SUGCT: variants seen among roughly 807,000 people sequenced by gnomAD.
SUGCT encodes the protein succinyl-CoA:glutarate-CoA transferase.
Under a neutral mutation model 55.0 loss-of-function variants are expected in SUGCT, and 41 were observed. The ratio of observed to expected loss-of-function variants is 0.74; its 90% CI spans 0.58 to 0.97. The LOEUF (loss-of-function observed/expected upper bound fraction) is 0.97, where lower values mean the gene tolerates loss of function less well. SUGCT is among the 50% of genes least tolerant of loss of function. SUGCT has a pLI of 0.00. For synonymous variants in SUGCT, 187 were observed against 200.4 expected (o/e 0.93, Z 0.56); for missense variants, 568 against 547.8 (o/e 1.04, Z -0.37).
the SUGCT span, among the ~76,000 whole-genome samples, chr7:40,919,150 T>C: frequency 1.3e-5 from 2 of 152,230 alleles, no homozygotes; most frequent in Non-Finnish European, 2.9e-5. Context: ...AACCACCTGC[T>C]AGCCACAGAT....
At chr7:40,503,426 A>G (rs553302126) in intron 12 of SUGCT, among the ~76,000 whole-genome samples, 4 of 152,318 alleles carry the variant, frequency 2.6e-5, no homozygotes, top group African/African-American at 7.2e-5. Context: ...AGAAGGAAGC[A>G]AGCATTATCA....
intron 9 of SUGCT, among the ~76,000 whole-genome samples, chr7:40,401,256 C>T (rs1203344000): frequency 6.6e-6 from 1 of 152,084 alleles, no homozygotes; most frequent in Non-Finnish European, 1.5e-5. Context: ...TTACACCAAA[C>T]CTGAGAAATA....
chr7:40,508,496 C>T (rs962889199), intron 12 of SUGCT, among the ~76,000 whole-genome samples: 8 of 152,150 alleles, frequency 5.3e-5, no homozygotes, highest in African/African-American at 1.9e-4. Flanking sequence ...CCCTCCTTAT[C>T]TTGGCTGCAC....
intron 9 of SUGCT, among the ~76,000 whole-genome samples, chr7:40,346,628 TGCAGAC>T (rs1797326965): frequency 6.6e-6 from 1 of 152,240 alleles, no homozygotes; most frequent in Non-Finnish European, 1.5e-5. Flanking sequence ...AATATATGTT[TGCAGAC>T]ATACACACAC....
At position 40,449,293 on chromosome 7, in the gene SUGCT, A is replaced by C. The variant is rs1295493345; in HGVS notation, c.823A>C (p.Lys275Gln). The C allele has an allele frequency of 1.9e-6, 3 of 1,610,018 alleles. No homozygotes were observed. The change falls in exon 10 of 14, where the codon AAA becomes CAA. Residue 275 changes from lysine to glutamine, a missense_variant. Transcript: ENST00000335693. The stretch of plus-strand genomic sequence containing the variant: ...GTGTATTTATTTCTTTTAGGCTTTT[A>C]AAACCAAGGATGGCTATATTGTAGT... ...HGSIVPYQAF[K>Q]TKDGYIVVGA...
intron 6 of SUGCT, among the ~76,000 whole-genome samples, chr7:40,216,624 G>C (rs1367046309): frequency 6.6e-6 from 1 of 151,796 alleles, no homozygotes; most frequent in African/African-American, 2.4e-5. Context: ...AGCCAAGGTG[G>C]GTGGATCACC....
intron 5 of SUGCT, among the ~76,000 whole-genome samples, chr7:40,191,468 A>T (rs1785904401): frequency 6.6e-6 from 1 of 152,206 alleles, no homozygotes. Context: ...CAATGCAGCC[A>T]ATTTAGAATT....
intron 12 of SUGCT, among the ~76,000 whole-genome samples, chr7:40,507,074 C>G (rs1792648066): frequency 6.6e-6 from 1 of 151,842 alleles, no homozygotes; most frequent in Non-Finnish European, 1.5e-5. Context: ...GTTTCTGTTG[C>G]CAGCTTTCTT....
intron 7 of SUGCT, among the ~76,000 whole-genome samples, chr7:40,266,787 C>T (rs906713669): frequency 2.6e-5 from 4 of 151,866 alleles, no homozygotes; most frequent in South Asian, 2.1e-4. Flanking sequence ...GAGGCCAAGG[C>T]GGGCACATCA....
rs1013120546 is a variant in SUGCT, at chr7:40,758,063, A to G, written c.1153+8566A>G. Among the ~76,000 whole-genome samples the G allele has an allele frequency of 2.6e-5, 4 of 152,322 alleles. No homozygotes were observed. The South Asian group carries it at 6.2e-4, about 24-fold the overall frequency. On this transcript the variant is annotated intron_variant, in intron 13 of 13. Transcript: ENST00000335693. ...ATCTACCAGTTTGGACTTCAGTATCATGGCGTTAACTTGGAGAATCAAGAA... is the reference window on the plus strand; with the variant it reads ...ATCTACCAGTTTGGACTTCAGTATCGTGGCGTTAACTTGGAGAATCAAGAA...
chr7:40,406,214 G>A (rs1157791809), intron 9 of SUGCT, among the ~76,000 whole-genome samples: 1 of 152,082 alleles, frequency 6.6e-6, no homozygotes, highest in Admixed American at 6.6e-5. Flanking sequence ...TCTGGATGAC[G>A]CCAGCTGGTT....
intron 12 of SUGCT, among the ~76,000 whole-genome samples, chr7:40,558,411 A>G (rs1795668600): frequency 6.6e-6 from 1 of 152,220 alleles, no homozygotes; most frequent in Admixed American, 6.5e-5. Flanking sequence ...ATAGTATACA[A>G]TGGAATATTA....
chr7:40,340,697 C>T (rs919121370), intron 9 of SUGCT, among the ~76,000 whole-genome samples: 7 of 152,050 alleles, frequency 4.6e-5, no homozygotes, highest in African/African-American at 1.7e-4. Context: ...AGGAGCCAGT[C>T]CGGCTATAAA....
At chr7:40,253,237 G>A (rs1790563960) in intron 7 of SUGCT, among the ~76,000 whole-genome samples, 1 of 152,146 alleles carries the variant, frequency 6.6e-6, no homozygotes, top group African/African-American at 2.4e-5. Flanking sequence ...CTAAATAAGA[G>A]TATGTGGTCA....
chr7:40,290,318 A>G (rs952566620), intron 8 of SUGCT, among the ~76,000 whole-genome samples: 2 of 152,198 alleles, frequency 1.3e-5, no homozygotes, highest in Non-Finnish European at 2.9e-5. Flanking sequence ...ATAGAGATCA[A>G]TGGAACAGAA....
the SUGCT span, among the ~76,000 whole-genome samples, chr7:40,968,479 A>G: frequency 2.0e-5 from 3 of 152,194 alleles, no homozygotes; most frequent in Admixed American, 2.0e-4. Context: ...AATTCAGTGG[A>G]CAGGTCCAGC....
Position 40,572,933 on chromosome 7 carries a change from G to T in SUGCT, c.1089+76547G>T, listed in dbSNP as rs143648649. On this transcript the variant is annotated intron_variant, in intron 12 of 13. Transcript: ENST00000335693. ...GCGGAGGCATGTGATTCATCTTGACGTCATCTGTCCTCTGCGTTATTTGGA... is the reference window on the plus strand; with the variant it reads ...GCGGAGGCATGTGATTCATCTTGACTTCATCTGTCCTCTGCGTTATTTGGA... 3.3e-3 allele frequency among the ~76,000 whole-genome samples: 508 copies of T among 152,246 alleles called. 2 individuals are homozygous for T. Among genetic ancestry groups the T allele is most frequent in the African/African-American group, 0.012 (481 of 41,556 alleles).
At chr7:40,575,872 A>T (rs1358192628) in intron 12 of SUGCT, among the ~76,000 whole-genome samples, 1 of 145,824 alleles carries the variant, frequency 6.9e-6, no homozygotes, top group African/African-American at 2.5e-5. Flanking sequence ...TTGAACCAGG[A>T]GGGGGAGGTT....
At chr7:40,765,631 G>A (rs1562989528) in intron 13 of SUGCT, among the ~76,000 whole-genome samples, 2 of 152,112 alleles carry the variant, frequency 1.3e-5, no homozygotes, top group Non-Finnish European at 2.9e-5. Context: ...AATATAAATT[G>A]CCAATTATGT....
Sources: allele counts gnomAD v4.1 joint callset (sites outside exome capture counted in the v4.1 genomes callset), GRCh38; gene constraint gnomAD v4.1.1; transcripts MANE v1.5; gene names NCBI Gene and HGNC (gene_info 2026-07-23, HGNC 2026-07-21).